EEIG2: variants seen among roughly 807,000 people sequenced by gnomAD.
The protein encoded by EEIG2 is family with sequence similarity 102 member B.
the EEIG2 span, among the ~76,000 whole-genome samples, chr1:108,591,052 T>C: frequency 1.3e-5 from 2 of 152,348 alleles, no homozygotes; most frequent in East Asian, 3.9e-4. Flanking sequence ...GTTTTCACAG[T>C]ATCAACACAA....
the EEIG2 span, among the ~76,000 whole-genome samples, chr1:108,564,315 C>T: frequency 6.6e-6 from 1 of 152,146 alleles, no homozygotes; most frequent in Non-Finnish European, 1.5e-5. Context: ...ATAACCCAGG[C>T]AGGAGCTAAT....
At chr1:108,617,645 G>T in the EEIG2 span, among the ~76,000 whole-genome samples, 5 of 152,166 alleles carry the variant, frequency 3.3e-5, no homozygotes, top group Non-Finnish European at 7.4e-5. Flanking sequence ...AGTAACTAGA[G>T]GGAACGAGTA....
the EEIG2 span, among the ~76,000 whole-genome samples, chr1:108,572,447 A>T: frequency 6.6e-6 from 1 of 151,794 alleles, no homozygotes; most frequent in Admixed American, 6.6e-5. Flanking sequence ...CACAGCTTAC[A>T]TTAGGGTTTA....
At chr1:108,563,684 T>C in the EEIG2 span, among the ~76,000 whole-genome samples, 5 of 152,196 alleles carry the variant, frequency 3.3e-5, no homozygotes, top group Non-Finnish European at 5.9e-5. Flanking sequence ...GGCCAAGTAT[T>C]AGTTGAGCAT....
At chr1:108,562,621 A>C in the EEIG2 span, among the ~76,000 whole-genome samples, 1 of 152,212 alleles carries the variant, frequency 6.6e-6, no homozygotes, top group African/African-American at 2.4e-5. Context: ...TAGAGTCCCA[A>C]AACTTCTGTA....
the EEIG2 span, among the ~76,000 whole-genome samples, chr1:108,604,001 A>C: frequency 6.6e-6 from 1 of 152,250 alleles, no homozygotes; most frequent in Non-Finnish European, 1.5e-5. Context: ...GACAGTAGAA[A>C]GGTCTAATTG....
At chr1:108,560,428 G>A in the EEIG2 span, 2 of 1,596,196 alleles carry the variant, frequency 1.3e-6, no homozygotes, top group East Asian at 2.3e-5. Flanking sequence ...TGGCTCTCAC[G>A]ATGATGAAGA....
At chr1:108,589,783 CTTT>C in the EEIG2 span, among the ~76,000 whole-genome samples, 3 of 85,140 alleles carry the variant, frequency 3.5e-5, no homozygotes, top group African/African-American at 5.2e-5. Context: ...GTCTTTTGTC[CTTT>C]TTTTTTTTTT....
At chr1:108,612,251 G>A in the EEIG2 span, 2 of 1,613,618 alleles carry the variant, frequency 1.2e-6, no homozygotes, top group South Asian at 2.2e-5. Flanking sequence ...TTACTGGAAG[G>A]CTATGATACC....
chr1:108,572,904 T>C, the EEIG2 span, among the ~76,000 whole-genome samples: 1 of 152,250 alleles, frequency 6.6e-6, no homozygotes, highest in African/African-American at 2.4e-5. Flanking sequence ...CTTAGTAATA[T>C]GCATTTAAGG....
chr1:108,575,341 C>G, the EEIG2 span, among the ~76,000 whole-genome samples: 1 of 152,186 alleles, frequency 6.6e-6, no homozygotes, highest in East Asian at 1.9e-4. Context: ...TCCCGAATTT[C>G]TCAGCTAAAA....
chr1:108,563,108 A>T, the EEIG2 span, among the ~76,000 whole-genome samples: 1 of 152,230 alleles, frequency 6.6e-6, no homozygotes, highest in Non-Finnish European at 1.5e-5. Context: ...AGAAAGGCCT[A>T]TGTACAAGGC....
chr1:108,616,461 CT>C, the EEIG2 span: 1 of 1,355,778 alleles, frequency 7.4e-7, no homozygotes, highest in Non-Finnish European at 1.0e-6. Context: ...GATTATGTAT[CT>C]AAAAGTATAA....
chr1:108,561,085 C>T, the EEIG2 span, among the ~76,000 whole-genome samples: 1 of 152,192 alleles, frequency 6.6e-6, no homozygotes, highest in South Asian at 2.1e-4. Flanking sequence ...TGTGCCTCAT[C>T]AGAGAGCGGC....
At chr1:108,578,908 C>G in the EEIG2 span, among the ~76,000 whole-genome samples, 3 of 125,618 alleles carry the variant, frequency 2.4e-5, no homozygotes, top group South Asian at 6.1e-4. Flanking sequence ...TTGTCACCAC[C>G]AGGCCTGCCC....
At chr1:108,560,741 C>T in the EEIG2 span, among the ~76,000 whole-genome samples, 1 of 152,180 alleles carries the variant, frequency 6.6e-6, no homozygotes, top group East Asian at 1.9e-4. Context: ...GGCCTTGGTT[C>T]CTGCGCTCCT....
At chr1:108,607,035 T>G in the EEIG2 span, among the ~76,000 whole-genome samples, 1 of 152,230 alleles carries the variant, frequency 6.6e-6, no homozygotes, top group African/African-American at 2.4e-5. Flanking sequence ...CAGGATGTTC[T>G]TTGTTAAAGT....
At chr1:108,567,898 C>T in the EEIG2 span, among the ~76,000 whole-genome samples, 1 of 152,018 alleles carries the variant, frequency 6.6e-6, no homozygotes, top group Non-Finnish European at 1.5e-5. Flanking sequence ...CTCAGGGAGA[C>T]TGAGGTGGGA....
chr1:108,606,100 C>T, the EEIG2 span: 32 of 525,162 alleles, frequency 6.1e-5, no homozygotes, highest in Non-Finnish European at 9.2e-5. Flanking sequence ...TTAAGATCGT[C>T]AGAATTTTAC....
Sources: allele counts gnomAD v4.1 joint callset (sites outside exome capture counted in the v4.1 genomes callset), GRCh38; gene constraint gnomAD v4.1.1; transcripts MANE v1.5; gene names NCBI Gene and HGNC (gene_info 2026-07-23, HGNC 2026-07-21).